The following PEAR1 variants were observed in gnomAD, a reference collection of about 807,000 sequenced individuals.
PEAR1 encodes multiple EGF-like domains protein 12.
In PEAR1, 113 loss-of-function variants were observed where a neutral mutation model predicts 131.2. That is an observed-to-expected ratio of 0.86 (90% confidence interval 0.74 to 1.01). The LOEUF (loss-of-function observed/expected upper bound fraction) is 1.01, where lower values mean the gene tolerates loss of function less well. Ranked by LOEUF, PEAR1 falls within the 50% of genes least tolerant of loss-of-function variation. PEAR1 has a pLI of 0.00. For missense variants in PEAR1, 1,408 were observed against 1,391.1 expected, an observed-to-expected ratio of 1.01 and a Z score of -0.19; for synonymous variants, 565 against 523.3, an observed-to-expected ratio of 1.08 and a Z score of -1.09.
Position 156,914,905 on chromosome 1 carries a change from C to A in PEAR1, c.*107C>A. The stretch of plus-strand genomic sequence containing the variant: ...CAGGAGCAGGGAGTGGACCGGCAGG[C>A]TGTGAACATGAACAACGCTTAACAG... On this transcript the variant is annotated 3_prime_UTR_variant, in exon 23 of 23. Transcript: ENST00000292357. 1 of 1,304,292 alleles carries A rather than the reference C, an allele frequency of 7.7e-7. No individual in the cohort carries two copies. Among genetic ancestry groups the A allele is most frequent in the South Asian group, 1.5e-5 (1 of 68,424 alleles). The allele number at this position is 1,304,292 out of a possible 1,614,324, so 80.8% of individuals were successfully genotyped here.
chr1:156,910,431 G>A, intron 14 of PEAR1, 51 bp downstream of exon 14: 1 of 1,552,728 alleles, frequency 6.4e-7, no homozygotes, highest in Non-Finnish European at 8.7e-7. Context: ...GGGCAGTGTA[G>A]TGTCAGCTGC....
chr1:156,904,644 G>C lies in PEAR1; in HGVS notation c.102-104G>C, dbSNP rs968766012. On this transcript the variant is annotated intron_variant, in intron 2 of 22. Coordinates refer to ENST00000292357, the MANE Select transcript of PEAR1 (RefSeq NM_001080471.3). ...GCTACGAGAGCAGCCCCAGCGTTGG[G>C]CTGTGGATTCCCCACTGTGGCCAAG... The C allele has an allele frequency of 2.2e-5, 26 of 1,163,698 alleles. No individual in the cohort carries two copies. In the Admixed American group the frequency reaches 5.9e-4, roughly 26 times the overall value. The allele number at this position is 1,163,698 out of a possible 1,614,324, so 72.1% of individuals were successfully genotyped here.
chr1:156,914,316 G>A (rs1028377425), intron 22 of PEAR1, among the ~76,000 whole-genome samples: 2 of 152,166 alleles, frequency 1.3e-5, no homozygotes, highest in Non-Finnish European at 2.9e-5. Context: ...TACCTTCTTC[G>A]CAGAGCTCAG....
intron 12 of PEAR1, 26 bp downstream of exon 12, chr1:156,909,940 T>A: frequency 1.9e-6 from 3 of 1,611,720 alleles, no homozygotes; most frequent in Non-Finnish European, 2.5e-6. Flanking sequence ...CCTGTCTGCC[T>A]GGGGGTGGGG....
At chr1:156,905,972 G>A (rs2644592) in intron 4 of PEAR1, among the ~76,000 whole-genome samples, 116,744 of 152,022 alleles carry the variant, frequency 0.77, 45,431 homozygotes, top group Non-Finnish European at 0.84. Flanking sequence ...AACCCCGACC[G>A]CCACCTGCCC....
At chr1:156,904,322 G>A (rs531219221) in intron 2 of PEAR1, among the ~76,000 whole-genome samples, 5 of 152,246 alleles carry the variant, frequency 3.3e-5, no homozygotes, top group Admixed American at 2.0e-4. Context: ...GGAGCCATTC[G>A]TTGTGGAGCA....
chr1:156,906,442 T>G, intron 5 of PEAR1, 74 bp downstream of exon 5: 1 of 1,577,334 alleles, frequency 6.3e-7, no homozygotes, highest in Non-Finnish European at 8.7e-7. Context: ...ACACCCTCCC[T>G]ACCAGGGCAC....
At position 156,904,814 on chromosome 1, in the gene PEAR1, G is replaced by A. The variant is rs754369447; in HGVS notation, c.168G>A (p.Glu56=). ...GCCTGCTCCCCTCAGAGCCCTGCGA[G>A]CGGCCCTGGGAGGGCCCCCATACTT... ...PFSLLPSEPC[E]RPWEGPHTCP... The change falls in exon 3 of 23, where the codon GAG becomes GAA. Residue 56 remains glutamate (E), a synonymous_variant. Transcript: ENST00000292357. 4.3e-6 allele frequency: 7 copies of A among 1,613,880 alleles called. No individual in the cohort carries two copies. Among genetic ancestry groups the A allele is most frequent in the Non-Finnish European group, 5.9e-6 (7 of 1,179,866 alleles).
intron 13 of PEAR1, 41 bp from the exon 14 acceptor site, chr1:156,910,193 A>G (rs1650887650): frequency 6.2e-7 from 1 of 1,611,534 alleles, no homozygotes; most frequent in African/African-American, 1.3e-5. Flanking sequence ...CTGGAACTGA[A>G]GGGGGCCCAG....
In PEAR1 at chr1:156,904,998, G is replaced by T. The variant is rs971567519; in HGVS notation, c.206+146G>T. ...GATTCATTCTGCATGGTCTGTGTCG[G>T]GTACGTGTGTATGGGATGTATATGT... On this transcript the variant is annotated intron_variant, in intron 3 of 22. Coordinates refer to ENST00000292357, the MANE Select transcript of PEAR1 (RefSeq NM_001080471.3). 3.9e-6 allele frequency: 6 copies of T among 1,551,878 alleles called. No individual in the cohort carries two copies. In the African/African-American group the frequency reaches 5.5e-5, roughly 14 times the overall value.
At position 156,907,534 on chromosome 1, in the gene PEAR1, G is replaced by A. The variant is rs1351686956; in HGVS notation, c.645-76G>A. On this transcript the variant is annotated intron_variant, in intron 6 of 22. Coordinates refer to ENST00000292357, the MANE Select transcript of PEAR1 (RefSeq NM_001080471.3). The stretch of plus-strand genomic sequence containing the variant: ...ACTAAGTCCTGAGGTGGGGGTTGTG[G>A]GGGCAGTCCTTGGAGGCAAGAGAGG... The A allele has an allele frequency of 3.2e-6, 5 of 1,541,860 alleles. No homozygotes were observed. In the African/African-American group the frequency reaches 5.5e-5, roughly 17 times the overall value.
intron 20 of PEAR1, 71 bp downstream of exon 20, chr1:156,913,594 T>G: frequency 1.2e-6 from 2 of 1,602,208 alleles, no homozygotes; most frequent in Non-Finnish European, 1.7e-6. Flanking sequence ...TCTGAGTGTG[T>G]GTGTCTGGAG....
At position 156,907,980 on chromosome 1, in the gene PEAR1, C is replaced by G. The variant is rs756260266; in HGVS notation, c.831C>G (p.Arg277=). Residue 277 remains arginine (R), a synonymous_variant, in exon 8 of 23, where the codon CGC becomes CGG. Transcript: ENST00000292357. ...GACCCAACTGCTCCCAGGAATGTCG[C>G]TGCCACAACGGCGGCCTCTGTGACC... ...FHGPNCSQEC[R]CHNGGLCDRF... 1.3e-6 allele frequency: 2 copies of G among 1,578,240 alleles called. No individual in the cohort carries two copies. Among genetic ancestry groups the G allele is most frequent in the South Asian group, 1.1e-5 (1 of 87,126 alleles).
Position 156,908,658 on chromosome 1 carries a change from C to T in PEAR1, c.1119C>T (p.Cys373=), listed in dbSNP as rs1186233333. ...ACGCCCCCGCCTCTGCCCCCAGCTGCCACCCGATGAACGGGGAGTGCTCCT... is the reference window on the plus strand; with the variant it reads ...ACGCCCCCGCCTCTGCCCCCAGCTGTCACCCGATGAACGGGGAGTGCTCCT... The part of the protein sequence containing the change: ...CTCDREHSLS[C]HPMNGECSCL... The change falls in exon 10 of 23, where the codon TGC becomes TGT. Residue 373 remains cysteine, a synonymous_variant. Coordinates refer to ENST00000292357, the MANE Select transcript of PEAR1 (RefSeq NM_001080471.3). The surrounding 1 kb of genome is among the most constrained non-coding windows in gnomAD (Gnocchi z 4.2). 1 of 1,524,296 alleles carries T rather than the reference C, an allele frequency of 6.6e-7. No homozygotes were observed. The highest frequency in any genetic ancestry group is 2.5e-5 in the East Asian group (1 of 40,730). 94.4% of individuals were successfully genotyped at this position (1,524,296 alleles called of 1,614,324 possible).
Position 156,910,086 on chromosome 1 carries a change from T to C in PEAR1, c.1656T>C (p.Cys552=). The change falls in exon 13 of 23, where the codon TGT becomes TGC. Residue 552 remains cysteine (C), a synonymous_variant. Coordinates refer to ENST00000292357, the MANE Select transcript of PEAR1 (RefSeq NM_001080471.3). Reference sequence around the variant, plus strand: ...GCTGTGACCCTGTTCATGGACGCTGTCAGTGCCAGGCTGGCTGGATGGGTG... The same window carrying C: ...GCTGTGACCCTGTTCATGGACGCTGCCAGTGCCAGGCTGGCTGGATGGGTG... ...SDGCDPVHGR[C]QCQAGWMGAR... The C allele has an allele frequency of 6.2e-7, 1 of 1,614,150 alleles. No homozygotes were observed. The highest frequency in any genetic ancestry group is 1.1e-5 in the South Asian group (1 of 91,082).
Position 156,903,971 on chromosome 1 carries a change from G to A in PEAR1, c.45G>A (p.Leu15=). Residue 15 remains leucine (L), a synonymous_variant, in exon 2 of 23, where the codon CTG becomes CTA. Coordinates refer to ENST00000292357, the MANE Select transcript of PEAR1 (RefSeq NM_001080471.3). ...CCCTCCTTCTCCTGGCTGTGGGCCTGCGGCTGGCTGGAACTCTCAACCCCA... is the reference window on the plus strand; with the variant it reads ...CCCTCCTTCTCCTGGCTGTGGGCCTACGGCTGGCTGGAACTCTCAACCCCA... ...LCPLLLLAVG[L]RLAGTLNPSD... is the part of the protein sequence containing the mutation. 1 of 1,614,068 alleles carries A rather than the reference G, an allele frequency of 6.2e-7. No individual in the cohort carries two copies. Among genetic ancestry groups the A allele is most frequent in the Non-Finnish European group, 8.5e-7 (1 of 1,179,998 alleles).
At chr1:156,905,260 T>C in intron 3 of PEAR1, 64 bp from the exon 4 acceptor site, 1 of 1,532,942 alleles carries the variant, frequency 6.5e-7, no homozygotes, top group Non-Finnish European at 8.9e-7. Context: ...GGCCTCCCCC[T>C]GGCCACACTG....
chr1:156,907,968 C>G lies in PEAR1; in HGVS notation c.819C>G (p.Ser273=). 2 of 1,581,824 alleles carry G rather than the reference C, an allele frequency of 1.3e-6. No individual in the cohort carries two copies. The highest frequency in any genetic ancestry group is 1.7e-6 in the Non-Finnish European group (2 of 1,162,922). ...CPEGFHGPNC[S]QECRCHNGGL... is the part of the protein sequence containing the mutation. Reference sequence around the variant, plus strand: ...AGGGCTTTCACGGACCCAACTGCTCCCAGGAATGTCGCTGCCACAACGGCG... The same window carrying G: ...AGGGCTTTCACGGACCCAACTGCTCGCAGGAATGTCGCTGCCACAACGGCG... The change falls in exon 8 of 23, where the codon TCC becomes TCG. Residue 273 remains serine (S), a synonymous_variant. Transcript: ENST00000292357.
rs1400475995 is a variant in PEAR1, at chr1:156,905,016, G to A, written c.206+164G>A. 1.9e-6 allele frequency: 3 copies of A among 1,539,718 alleles called. No homozygotes were observed. In the South Asian group the frequency reaches 3.6e-5, roughly 18 times the overall value. ...TGTGTCGGGTACGTGTGTATGGGAT[G>A]TATATGTGAATGCGTGTATGTGTGT... On this transcript the variant is annotated intron_variant, in intron 3 of 22. Transcript: ENST00000292357.
Sources: gnomAD v4.1 joint callset for allele counts (sites outside exome capture counted in the v4.1 genomes callset) on GRCh38, gnomAD v4.1.1 for gene constraint, Gnocchi (gnomAD v3.1) non-coding constraint, MANE v1.5 for transcripts, NCBI Gene and HGNC (gene_info 2026-07-23, HGNC 2026-07-21) for gene names.